Variants in CREB3L2 observed in about 807,000 individuals in gnomAD.
CREB3L2 encodes the protein cAMP responsive element binding protein 3 like 2.
In CREB3L2, 23 loss-of-function variants were observed where a neutral mutation model predicts 57.2. The ratio of observed to expected loss-of-function variants is 0.40; its 90% CI spans 0.29 to 0.57. CREB3L2 has a LOEUF of 0.57. Among genes scored for constraint, CREB3L2 ranks in the 20% least tolerant of loss-of-function variants. The pLI is 0.42. For synonymous variants in CREB3L2, 268 were observed against 265.1 expected (o/e 1.01, Z -0.11); for missense variants, 628 against 634.7 (o/e 0.99, Z 0.11).
chr7:137,995,329 C>CTTTTTTTTTT (rs1431208451), intron 1 of CREB3L2, among the ~76,000 whole-genome samples: 1 of 21,922 alleles, frequency 4.6e-5, no homozygotes, highest in African/African-American at 1.7e-4. Context: ...TTTTTCTTTT[C>CTTTTTTTTTT]TTTCTTTTTT....
intron 1 of CREB3L2, among the ~76,000 whole-genome samples, chr7:137,928,852 G>A (rs182987114): frequency 1.1e-4 from 16 of 152,268 alleles, no homozygotes; most frequent in African/African-American, 2.6e-4. Flanking sequence ...CCCATGGGGC[G>A]GGAAAACAGA....
At position 137,875,440 on chromosome 7, in the gene CREB3L2, C is replaced by T. The variant is rs566379719; in HGVS notation, c.*5036G>A. 3.2e-5 allele frequency: 7 copies of T among 221,492 alleles called. No individual in the cohort carries two copies. Among genetic ancestry groups the T allele is most frequent in the Non-Finnish European group, 5.4e-5 (6 of 110,766 alleles). 13.7% of individuals were successfully genotyped at this position (221,492 alleles called of 1,614,324 possible). A position where few individuals can be genotyped will look rare whatever the true frequency, so the allele number is the denominator to read the frequency against. The stretch of plus-strand genomic sequence containing the variant: ...TTCATGTTCTCACTCAGCTGGTGAG[C>T]GAAGGATGGGAGCAGAGAACAGAGC... On this transcript the variant is annotated 3_prime_UTR_variant, in exon 12 of 12. Transcript: ENST00000330387.
intron 10 of CREB3L2, among the ~76,000 whole-genome samples, chr7:137,883,381 T>C (rs551135035): frequency 5.3e-5 from 8 of 152,288 alleles, no homozygotes; most frequent in African/African-American, 1.9e-4. Flanking sequence ...CCATGGGGAA[T>C]ACATTTCAAG....
chr7:137,922,453 T>TATATATATGTATATATATATATATACAC (rs1554498063), intron 2 of CREB3L2: 2 of 72,580 alleles, frequency 2.8e-5, no homozygotes, highest in African/African-American at 1.3e-4. Context: ...TATATATATA[T>TATATATATGTATATATATATATATACAC]ACACACATAT....
At chr7:137,920,531 A>G (rs1800250474) in intron 2 of CREB3L2, among the ~76,000 whole-genome samples, 1 of 152,218 alleles carries the variant, frequency 6.6e-6, no homozygotes, top group Non-Finnish European at 1.5e-5. Context: ...TGAGTGACTG[A>G]GTTTGGGGGT....
intron 1 of CREB3L2, among the ~76,000 whole-genome samples, chr7:137,962,381 C>G (rs1801337395): frequency 6.6e-6 from 1 of 152,132 alleles, no homozygotes; most frequent in Admixed American, 6.6e-5. Flanking sequence ...AATCCTGAAT[C>G]TCATCAGGAT....
chr7:137,985,510 C>T (rs537082426), intron 1 of CREB3L2, among the ~76,000 whole-genome samples: 2 of 152,174 alleles, frequency 1.3e-5, no homozygotes, highest in South Asian at 2.1e-4. Context: ...ACCAGGACTG[C>T]TCAGTGCCAT....
At chr7:137,882,772 G>T (rs1043815599) in intron 10 of CREB3L2, 144 bp from the exon 11 acceptor site, 29 of 540,572 alleles carry the variant, frequency 5.4e-5, no homozygotes, top group Admixed American at 1.3e-4. Context: ...ACAGAATTTG[G>T]CTTTCTATAA....
chr7:137,882,033 A>T (rs944018242), intron 11 of CREB3L2, among the ~76,000 whole-genome samples: 1 of 152,248 alleles, frequency 6.6e-6, no homozygotes, highest in Non-Finnish European at 1.5e-5. Flanking sequence ...AGTTGAAGCC[A>T]TGAAACATGT....
At chr7:137,946,804 T>TTATATATA (rs1344351348) in intron 1 of CREB3L2, among the ~76,000 whole-genome samples, 2 of 50,088 alleles carry the variant, frequency 4.0e-5, no homozygotes, top group African/African-American at 1.4e-4. Context: ...TTATATATAG[T>TTATATATA]TATATATAGT....
chr7:137,976,863 G>A (rs1801616141), intron 1 of CREB3L2, among the ~76,000 whole-genome samples: 1 of 152,214 alleles, frequency 6.6e-6, no homozygotes, highest in African/African-American at 2.4e-5. Flanking sequence ...CAGTGGGAGA[G>A]GCCAGTGGGT....
At position 137,971,449 on chromosome 7, in the gene CREB3L2, C is replaced by A. The variant is rs964392406; in HGVS notation, c.102+30155G>T. On this transcript the variant is annotated intron_variant, in intron 1 of 11. Transcript: ENST00000330387. Reference sequence around the variant, plus strand: ...TGGGCATCAGAGCGAGACTCCGTCTCAAAAAAAAAAAAAAAATTTTGGATG... The same window carrying A: ...TGGGCATCAGAGCGAGACTCCGTCTAAAAAAAAAAAAAAAAATTTTGGATG... Among the ~76,000 whole-genome samples, 331 of 135,948 alleles carry A rather than the reference C, an allele frequency of 2.4e-3. 2 individuals are homozygous for A. The highest frequency in any genetic ancestry group is 3.1e-3 in the East Asian group (15 of 4,772). 89.2% of individuals were successfully genotyped at this position (135,948 alleles called of 152,430 possible).
At chr7:137,966,565 T>C (rs1334492773) in intron 1 of CREB3L2, among the ~76,000 whole-genome samples, 2 of 152,212 alleles carry the variant, frequency 1.3e-5, no homozygotes, top group Non-Finnish European at 2.9e-5. Context: ...ACCTCACTTT[T>C]GACTACAGAC....
rs9886231 is a variant in CREB3L2 at position 137,913,482 on chromosome 7, A to G, written c.496-404T>C. Reference sequence around the variant, plus strand: ...TGATCATACCATTGCACTCCAGCCTAGGTAACAGAGTGAGACCCTATCTCA... The same window carrying G: ...TGATCATACCATTGCACTCCAGCCTGGGTAACAGAGTGAGACCCTATCTCA... On this transcript the variant is annotated intron_variant, in intron 3 of 11. Transcript: ENST00000330387. 7.3e-3 allele frequency among the ~76,000 whole-genome samples: 1,084 copies of G among 147,924 alleles called. 14 individuals are homozygous for G. Among genetic ancestry groups the G allele is most frequent in the African/African-American group, 0.023 (918 of 40,122 alleles).
At chr7:137,993,554 C>G (rs1350738633) in intron 1 of CREB3L2, among the ~76,000 whole-genome samples, 4 of 152,234 alleles carry the variant, frequency 2.6e-5, no homozygotes, top group African/African-American at 7.2e-5. Flanking sequence ...GGGTCTCACT[C>G]TGTTGCCCAG....
At chr7:137,896,387 C>T (rs915966290) in intron 8 of CREB3L2, among the ~76,000 whole-genome samples, 2 of 152,256 alleles carry the variant, frequency 1.3e-5, no homozygotes, top group African/African-American at 4.8e-5. Flanking sequence ...CCGTAACCTC[C>T]GTCTCCCAGG....
chr7:137,983,714 ATACCTCTC>A (rs755219197), intron 1 of CREB3L2, among the ~76,000 whole-genome samples: 48 of 152,110 alleles, frequency 3.2e-4, no homozygotes, highest in Non-Finnish European at 5.7e-4. Flanking sequence ...CATTGTTCGC[ATACCTCTC>A]TGCTTTACCT....
intron 8 of CREB3L2, among the ~76,000 whole-genome samples, chr7:137,899,168 G>GGAAC (rs1799699575): frequency 8.5e-6 from 1 of 117,390 alleles, no homozygotes; most frequent in Non-Finnish European, 1.9e-5. Context: ...AAGGAAGGAA[G>GGAAC]GAACACGCAG....
intron 1 of CREB3L2, among the ~76,000 whole-genome samples, chr7:137,952,973 C>T (rs1321498461): frequency 6.6e-6 from 1 of 152,088 alleles, no homozygotes; most frequent in Non-Finnish European, 1.5e-5. Flanking sequence ...CCTGCCACCA[C>T]GCCTGGATAA....
Sources: allele counts gnomAD v4.1 joint callset (sites outside exome capture counted in the v4.1 genomes callset), GRCh38; gene constraint gnomAD v4.1.1; transcripts MANE v1.5; gene names NCBI Gene and HGNC (gene_info 2026-07-23, HGNC 2026-07-21).